UNC80: variants seen among roughly 807,000 people sequenced by gnomAD.
The protein encoded by UNC80 is protein unc-80 homolog.
Under a neutral mutation model 384.6 loss-of-function variants are expected in UNC80, and 164 were observed. That is an observed-to-expected ratio of 0.43 (90% CI 0.38 to 0.49). The LOEUF is 0.49. Among genes scored for constraint, UNC80 ranks in the 20% least tolerant of loss-of-function variants. The pLI is 0.00. For synonymous variants in UNC80, 1,486 were observed against 1,527.8 expected (o/e 0.97, Z 0.64); for missense variants, 3,330 against 4,143.0 (o/e 0.80, Z 5.39).
intron 26 of UNC80, among the ~76,000 whole-genome samples, chr2:209,893,556 C>A (rs77174337): frequency 6.6e-6 from 1 of 152,030 alleles, no homozygotes; most frequent in African/African-American, 2.4e-5. Context: ...CACATCTCAC[C>A]CAGCCTTTTG....
chr2:209,981,075 A>C (rs2093146300), intron 59 of UNC80, among the ~76,000 whole-genome samples: 1 of 152,242 alleles, frequency 6.6e-6, no homozygotes, highest in African/African-American at 2.4e-5. Flanking sequence ...TTGATTTGAA[A>C]TAAGTTCAAT....
At position 209,992,246 on chromosome 2, in the gene UNC80, A is replaced by G. The variant is rs1559453348; in HGVS notation, c.9395A>G (p.Gln3132Arg). The change falls in exon 62 of 65, where the codon CAG (glutamine) becomes CGG (arginine). Residue 3132 changes from glutamine (Q) to arginine (R), a missense_variant and splice_region_variant. This residue lies in a region of UNC80 where 236 missense variants were observed against 254.9 expected (regional missense o/e 0.93). Transcript: ENST00000673920. ...QPLGRKRGLR[Q>R]LRRPLLSRQK... ...CTGGGGAGGAAGAGGGGCCTGAGGC[A>G]GGTAAGTAGACCCTTAAAGCGCAAG... 6.4e-7 allele frequency: 1 copy of G among 1,551,422 alleles called. No homozygotes were observed. The highest frequency in any genetic ancestry group is 1.2e-5 in the South Asian group (1 of 84,052).
chr2:209,901,782 A>C (rs1029440200), intron 28 of UNC80, among the ~76,000 whole-genome samples: 10 of 152,090 alleles, frequency 6.6e-5, no homozygotes, highest in Non-Finnish European at 1.5e-4. Flanking sequence ...AAATAAAATT[A>C]GCCGGGCGTG....
Position 209,976,372 on chromosome 2 carries a change from G to C in UNC80, c.8772+69G>C. ...AATGTGTGGCTCTCTACTGAGGCAGGAATATGGCAGGAGTGCTCATGGTAC... is the reference window on the plus strand; with the variant it reads ...AATGTGTGGCTCTCTACTGAGGCAGCAATATGGCAGGAGTGCTCATGGTAC... On this transcript the variant is annotated intron_variant, in intron 57 of 64. Coordinates refer to ENST00000673920, the MANE Select transcript of UNC80 (RefSeq NM_001371986.1). The surrounding 1 kb of genome is among the most constrained non-coding windows in gnomAD (Gnocchi z 4.3). The C allele has an allele frequency of 6.5e-7, 1 of 1,541,936 alleles. No individual in the cohort carries two copies. Among genetic ancestry groups the C allele is most frequent in the Non-Finnish European group, 8.8e-7 (1 of 1,139,284 alleles).
In UNC80 at chr2:209,998,221, T is replaced by G. The variant is rs562551708; in HGVS notation, c.*2626T>G. ...AGAGACCTTGGAATAAACCATGTGT[T>G]ATCCATGATAGTATGACTCAGATCC... On this transcript the variant is annotated 3_prime_UTR_variant, in exon 65 of 65. Coordinates refer to ENST00000673920, the MANE Select transcript of UNC80 (RefSeq NM_001371986.1). 1.2e-4 allele frequency: 19 copies of G among 152,382 alleles called. No individual in the cohort carries two copies. In the South Asian group the frequency reaches 3.9e-3, roughly 32 times the overall value. 9.4% of individuals were successfully genotyped at this position (152,382 alleles called of 1,614,324 possible). A position where few individuals can be genotyped will look rare whatever the true frequency, so the allele number is the denominator to read the frequency against.
rs1212796463 is a variant in UNC80, at chr2:209,935,080, G to A, written c.6179-634G>A. On this transcript the variant is annotated intron_variant, in intron 39 of 64. Transcript: ENST00000673920. ...AGCTACATTTCAAGTACATGTTTTG[G>A]TTTTGCTAATATCCCTGTTTATATT... is the stretch of plus-strand genomic sequence containing the variant. 3.3e-5 allele frequency among the ~76,000 whole-genome samples: 5 copies of A among 152,100 alleles called. No individual in the cohort carries two copies. The East Asian group carries it at 9.6e-4, about 29-fold the overall frequency.
Position 209,992,303 on chromosome 2 carries a change from G to T in UNC80, c.9396+56G>T, listed in dbSNP as rs997908248. On this transcript the variant is annotated intron_variant, in intron 62 of 64. Coordinates refer to ENST00000673920, the MANE Select transcript of UNC80 (RefSeq NM_001371986.1). ...ATCCTACGAATTGGAAGCTCTGTGTGATTTTTAATGCCCATGTATATTAAG... is the reference window on the plus strand; with the variant it reads ...ATCCTACGAATTGGAAGCTCTGTGTTATTTTTAATGCCCATGTATATTAAG... 6 of 1,458,376 alleles carry T rather than the reference G, an allele frequency of 4.1e-6. No homozygotes were observed. The Admixed American group carries it at 1.2e-4, about 29-fold the overall frequency. The allele number at this position is 1,458,376 out of a possible 1,614,324, so 90.3% of individuals were successfully genotyped here.
intron 6 of UNC80, among the ~76,000 whole-genome samples, chr2:209,790,694 T>C (rs1259632403): frequency 6.6e-6 from 1 of 152,200 alleles, no homozygotes; most frequent in East Asian, 1.9e-4. Context: ...AGGAGGTTAT[T>C]CTTTGGAAAA....
At chr2:209,813,441 G>A (rs2079509386) in intron 7 of UNC80, 139 bp from the exon 8 acceptor site, 1 of 860,342 alleles carries the variant, frequency 1.2e-6, no homozygotes, top group Non-Finnish European at 1.7e-6. Flanking sequence ...CCAGTTGGAA[G>A]GATATTAGAG....
In UNC80 at chr2:209,834,172, G is replaced by A; in HGVS notation, c.2942+4G>A. The A allele has an allele frequency of 6.4e-7, 1 of 1,551,298 alleles. No homozygotes were observed. The highest frequency in any genetic ancestry group is 8.7e-7 in the Non-Finnish European group (1 of 1,146,770). ...CTAAGCCTGCAGGCAGTAAAAGGTTGGAAGCTTGAACTCTCTGAATATTAC... is the reference window on the plus strand; with the variant it reads ...CTAAGCCTGCAGGCAGTAAAAGGTTAGAAGCTTGAACTCTCTGAATATTAC... On this transcript the variant is annotated splice_donor_region_variant and intron_variant, in intron 17 of 64. Transcript: ENST00000673920.
chr2:209,954,431 C>T (rs908209378), intron 48 of UNC80, 161 bp downstream of exon 48: 21 of 521,772 alleles, frequency 4.0e-5, no homozygotes, highest in Admixed American at 7.7e-5. Context: ...GTGAACAGTT[C>T]GTGAGTTATT....
intron 12 of UNC80, 124 bp downstream of exon 12, chr2:209,819,385 C>A: frequency 1.0e-6 from 1 of 1,003,074 alleles, no homozygotes; most frequent in Non-Finnish European, 1.4e-6. Context: ...ATGAAAAAGC[C>A]ACCCACTGAA....
intron 33 of UNC80, among the ~76,000 whole-genome samples, chr2:209,921,191 T>G (rs2090013483): frequency 6.6e-6 from 1 of 152,200 alleles, no homozygotes; most frequent in Admixed American, 6.5e-5. Flanking sequence ...TACTTAAAAA[T>G]TTTATTTGAT....
At chr2:209,865,446 C>CA (rs1306627248) in intron 22 of UNC80, among the ~76,000 whole-genome samples, 1 of 151,964 alleles carries the variant, frequency 6.6e-6, no homozygotes, top group Non-Finnish European at 1.5e-5. Flanking sequence ...ACTAAAAATA[C>CA]AAAAAATTAG....
Position 209,904,927 on chromosome 2 carries a change from A to T in UNC80, c.4744A>T (p.Ile1582Phe). ...GGACTCCCTGAGGGAAAGCAGCAACATCAGCAGTGTGGCTCTCCGGGGCAA... is the reference window on the plus strand; with the variant it reads ...GGACTCCCTGAGGGAAAGCAGCAACTTCAGCAGTGTGGCTCTCCGGGGCAA... The part of the protein sequence containing the change: ...SVDSLRESSN[I>F]SSVALRGKKQ... Residue 1582 changes from isoleucine (I) to phenylalanine (F), a missense_variant, in exon 29 of 65, where the codon ATC (isoleucine) becomes TTC (phenylalanine). Around this residue, in one of 8 missense-constraint regions of UNC80, gnomAD observed 801 missense variants for 950.8 expected, o/e 0.84. Transcript: ENST00000673920. 6.4e-7 allele frequency: 1 copy of T among 1,551,774 alleles called. No homozygotes were observed. The highest frequency in any genetic ancestry group is 1.2e-5 in the South Asian group (1 of 84,066).
chr2:209,815,544 C>T lies in UNC80; in HGVS notation c.1335+153C>T, dbSNP rs1048432426. On this transcript the variant is annotated intron_variant, in intron 9 of 64. Coordinates refer to ENST00000673920, the MANE Select transcript of UNC80 (RefSeq NM_001371986.1). Reference sequence around the variant, plus strand: ...TCCTAGATGTGACACTGACTTGCAGCATACCCCTGTGCAAGTCCCTCTGTG... The same window carrying T: ...TCCTAGATGTGACACTGACTTGCAGTATACCCCTGTGCAAGTCCCTCTGTG... 3.9e-5 allele frequency among the ~76,000 whole-genome samples: 6 copies of T among 152,170 alleles called. No individual in the cohort carries two copies. In the East Asian group the frequency reaches 1.2e-3, roughly 29 times the overall value.
chr2:209,874,880 C>T (rs1029002410), intron 23 of UNC80, among the ~76,000 whole-genome samples: 10 of 152,118 alleles, frequency 6.6e-5, no homozygotes, highest in African/African-American at 2.4e-4. Context: ...CACATTGCCA[C>T]CTACAACCCT....
Position 209,954,169 on chromosome 2 carries a change from A to C in UNC80, c.7356A>C (p.Ser2452=). The C allele has an allele frequency of 1.9e-6, 3 of 1,551,230 alleles. No individual in the cohort carries two copies. Among genetic ancestry groups the C allele is most frequent in the Non-Finnish European group, 2.6e-6 (3 of 1,146,956 alleles). The change falls in exon 48 of 65, where the codon TCA becomes TCC. Residue 2452 remains serine (S), a synonymous_variant. Coordinates refer to ENST00000673920, the MANE Select transcript of UNC80 (RefSeq NM_001371986.1). ...CYLQKLKRQT[S]QVETVPAARE... is the part of the protein sequence containing the mutation. The stretch of plus-strand genomic sequence containing the variant: ...TACAAAAGCTAAAGAGGCAGACATC[A>C]CAGGTGGAGACAGTACCTGCTGCCC...
chr2:209,902,904 CGTGTGTGTGTGTGTGTGTGTGTGTGT>C (rs56102642), intron 28 of UNC80, among the ~76,000 whole-genome samples: 1 of 141,212 alleles, frequency 7.1e-6, no homozygotes, highest in Non-Finnish European at 1.5e-5. Flanking sequence ...CCTGTATACA[CGTGTGTGTGTGTGTGTGTGTGTGTGT>C]GTGTGTGTGT....
Sources: allele counts gnomAD v4.1 joint callset (sites outside exome capture counted in the v4.1 genomes callset), GRCh38; gene constraint gnomAD v4.1.1; regional missense constraint gnomAD v4.1.1; non-coding constraint Gnocchi (gnomAD v3.1); transcripts MANE v1.5; gene names NCBI Gene and HGNC (gene_info 2026-07-23, HGNC 2026-07-21).